Variants in VDAC1 observed in about 807,000 individuals in gnomAD.
VDAC1 encodes the protein non-selective voltage-gated ion channel VDAC1.
Under a neutral mutation model 34.7 loss-of-function variants are expected in VDAC1, and 10 were observed. The observed-to-expected ratio is 0.29, with a 90% CI of 0.18 to 0.49. The LOEUF is 0.49. VDAC1 is among the 20% of genes least tolerant of loss of function. The pLI, the probability that VDAC1 is intolerant of heterozygous loss-of-function variation, is 0.99. For missense variants in VDAC1, 230 were observed against 347.9 expected (o/e 0.66, Z 2.69); for synonymous variants, 130 against 136.0 (o/e 0.96, Z 0.30).
At chr5:134,047,532 C>T in the VDAC1 span, among the ~76,000 whole-genome samples, 3 of 152,238 alleles carry the variant, frequency 2.0e-5, no homozygotes, top group African/African-American at 4.8e-5. Flanking sequence ...CCATTCATCC[C>T]GCACAGAAGG....
chr5:134,062,407 T>G, the VDAC1 span, among the ~76,000 whole-genome samples: 3 of 151,686 alleles, frequency 2.0e-5, no homozygotes, highest in African/African-American at 7.3e-5. Flanking sequence ...TTACTTTAGG[T>G]TTTCTAATTT....
the VDAC1 span, among the ~76,000 whole-genome samples, chr5:134,085,226 G>A: frequency 6.6e-6 from 1 of 151,876 alleles, no homozygotes; most frequent in Non-Finnish European, 1.5e-5. Flanking sequence ...CCACCACCAC[G>A]CCCGGCTAGC....
At chr5:133,983,577 A>C (rs191417940) in intron 5 of VDAC1, among the ~76,000 whole-genome samples, 72 of 152,270 alleles carry the variant, frequency 4.7e-4, no homozygotes, top group African/African-American at 1.1e-3. Flanking sequence ...AAAAATTCCA[A>C]ATTCTCAATG....
intron 1 of VDAC1, among the ~76,000 whole-genome samples, chr5:134,002,499 G>A (rs1440060404): frequency 6.6e-6 from 1 of 152,170 alleles, no homozygotes; most frequent in Non-Finnish European, 1.5e-5. Context: ...TGCAAGCCCA[G>A]AAACACCAGT....
At chr5:134,068,691 C>G in the VDAC1 span, among the ~76,000 whole-genome samples, 1 of 152,030 alleles carries the variant, frequency 6.6e-6, no homozygotes, top group South Asian at 2.1e-4. Flanking sequence ...TTTCTCTGTT[C>G]GGAAACCACT....
chr5:133,977,077 A>G (rs1003284556), intron 6 of VDAC1, among the ~76,000 whole-genome samples: 1 of 152,174 alleles, frequency 6.6e-6, no homozygotes, highest in Non-Finnish European at 1.5e-5. Flanking sequence ...AATGTTATGG[A>G]AAGAGAAGAA....
At chr5:134,062,922 C>A in the VDAC1 span, among the ~76,000 whole-genome samples, 1 of 146,204 alleles carries the variant, frequency 6.8e-6, no homozygotes, top group East Asian at 1.9e-4. Flanking sequence ...CCACTGCACC[C>A]GGCCTGAATT....
chr5:134,039,148 T>C, the VDAC1 span, among the ~76,000 whole-genome samples: 1 of 152,102 alleles, frequency 6.6e-6, no homozygotes, highest in Non-Finnish European at 1.5e-5. Flanking sequence ...CCCACCTCAA[T>C]CGTCCTCCCT....
At chr5:134,108,495 G>A in the VDAC1 span, among the ~76,000 whole-genome samples, 20 of 152,280 alleles carry the variant, frequency 1.3e-4, no homozygotes, top group South Asian at 6.2e-4. Context: ...ACCACATCCC[G>A]TTGCTCCTTC....
At chr5:134,069,617 G>T in the VDAC1 span, among the ~76,000 whole-genome samples, 1 of 152,116 alleles carries the variant, frequency 6.6e-6, no homozygotes, top group South Asian at 2.1e-4. Flanking sequence ...GGCCTTTGGG[G>T]AGTGAGGGGG....
the VDAC1 span, among the ~76,000 whole-genome samples, chr5:134,084,125 G>A: frequency 6.6e-6 from 1 of 152,204 alleles, no homozygotes; most frequent in African/African-American, 2.4e-5. Flanking sequence ...AGAGCACTTG[G>A]CTCAAACACA....
the VDAC1 span, among the ~76,000 whole-genome samples, chr5:134,078,265 G>A: frequency 6.6e-6 from 1 of 152,338 alleles, no homozygotes; most frequent in South Asian, 2.1e-4. Flanking sequence ...CACACAGACA[G>A]AGGAGGGAGA....
the VDAC1 span, among the ~76,000 whole-genome samples, chr5:134,011,796 G>A: frequency 1.3e-5 from 2 of 151,784 alleles, no homozygotes; most frequent in Admixed American, 6.6e-5. Flanking sequence ...CCCACCACCA[G>A]GCCCGGCTAA....
the VDAC1 span, among the ~76,000 whole-genome samples, chr5:134,062,922 C>T: frequency 2.4e-3 from 356 of 146,204 alleles, 4 homozygotes; most frequent in African/African-American, 8.2e-3. Context: ...CCACTGCACC[C>T]GGCCTGAATT....
chr5:134,093,798 C>T, the VDAC1 span, among the ~76,000 whole-genome samples: 1 of 152,196 alleles, frequency 6.6e-6, no homozygotes, highest in African/African-American at 2.4e-5. Flanking sequence ...GGGTACCACT[C>T]TCTGCTGCCC....
rs183647670 is a variant in VDAC1 at position 133,996,304 on chromosome 5, C to G, written c.-6-3286G>C. Among the ~76,000 whole-genome samples the G allele has an allele frequency of 3.9e-4, 60 of 152,306 alleles. No individual in the cohort carries two copies. In the East Asian group the frequency reaches 8.5e-3, roughly 22 times the overall value. ...AAGTCACACCAGGATACAGGAGTCC[C>G]TGGTTCCCCTCCACAGCCTGCCAGT... On this transcript the variant is annotated intron_variant, in intron 1 of 8. Coordinates refer to ENST00000265333, the MANE Select transcript of VDAC1 (RefSeq NM_003374.3).
At chr5:134,003,403 C>G (rs908125329) in intron 1 of VDAC1, among the ~76,000 whole-genome samples, 4 of 152,184 alleles carry the variant, frequency 2.6e-5, no homozygotes, top group Non-Finnish European at 5.9e-5. Context: ...GGACCCCGGG[C>G]GGAACGGGCT....
the VDAC1 span, among the ~76,000 whole-genome samples, chr5:134,087,388 G>C: frequency 6.6e-6 from 1 of 152,104 alleles, no homozygotes. Context: ...ATCTACCCCA[G>C]AAAAATAGGG....
intron 1 of VDAC1, among the ~76,000 whole-genome samples, chr5:134,003,021 T>C (rs1753620214): frequency 6.6e-6 from 1 of 151,694 alleles, no homozygotes; most frequent in South Asian, 2.1e-4. Flanking sequence ...CAGCCCTTCA[T>C]ATGCCCATTC....
Sources: allele counts gnomAD v4.1 joint callset (sites outside exome capture counted in the v4.1 genomes callset), GRCh38; gene constraint gnomAD v4.1.1; transcripts MANE v1.5; gene names NCBI Gene and HGNC (gene_info 2026-07-23, HGNC 2026-07-21).